ZFP37: variants seen among roughly 807,000 people sequenced by gnomAD.
ZFP37 encodes ZFP37 zinc finger protein.
ZFP37 carries 38 observed loss-of-function variants against 52.1 expected under a neutral mutation model. That is an observed-to-expected ratio of 0.73 (90% confidence interval 0.56 to 0.96). The LOEUF (loss-of-function observed/expected upper bound fraction) is 0.96. Among genes scored for constraint, ZFP37 ranks in the 40% least tolerant of loss-of-function variants. ZFP37 has a pLI of 0.00. For synonymous variants in ZFP37, 253 were observed against 259.5 expected (o/e 0.98, Z 0.24); for missense variants, 695 against 741.4 (o/e 0.94, Z 0.73).
intron 1 of ZFP37, 121 bp from the exon 2 acceptor site, chr9:113,049,993 C>T (rs1345035337): frequency 6.9e-7 from 1 of 1,449,052 alleles, no homozygotes; most frequent in Non-Finnish European, 9.3e-7. Context: ...ATAATTTGTT[C>T]TTACCTTGAC....
chr9:113,043,727 T>C lies in ZFP37; in HGVS notation c.891A>G (p.Gln297=). Residue 297 remains glutamine, a synonymous_variant, in exon 4 of 4, where the codon CAA becomes CAG. Coordinates refer to ENST00000374227, the MANE Select transcript of ZFP37 (RefSeq NM_003408.3). ...GTTTATGGCTGAGAACCTTTCCACA[T>C]TGATTACATTCATAGGGTTTCACAC... ...QACVKPYECN[Q]CGKVLSHKQG... is the part of the protein sequence containing the mutation. The C allele has an allele frequency of 6.8e-6, 11 of 1,614,044 alleles. No homozygotes were observed. The highest frequency in any genetic ancestry group is 9.3e-6 in the Non-Finnish European group (11 of 1,179,950).
intron 3 of ZFP37, among the ~76,000 whole-genome samples, 174 bp from the exon 4 acceptor site, chr9:113,044,442 A>G (rs1828917248): frequency 1.3e-5 from 2 of 152,184 alleles, no homozygotes; most frequent in African/African-American, 4.8e-5. Flanking sequence ...TTGTAGTAAA[A>G]AGAGGTGGGA....
chr9:113,046,062 T>C (rs1345153442), intron 3 of ZFP37, among the ~76,000 whole-genome samples: 3 of 151,868 alleles, frequency 2.0e-5, no homozygotes, highest in African/African-American at 4.8e-5. Flanking sequence ...GGAAATATTA[T>C]TACTTTTATA....
intron 3 of ZFP37, among the ~76,000 whole-genome samples, chr9:113,044,858 C>T (rs529645527): frequency 1.3e-5 from 2 of 152,056 alleles, no homozygotes; most frequent in East Asian, 1.9e-4. Flanking sequence ...ACAGAAAGCT[C>T]GTCAAGTCAA....
chr9:113,042,592 T>A lies in ZFP37; in HGVS notation c.*133A>T. The stretch of plus-strand genomic sequence containing the variant: ...TCCATCCACTGATTCTATATGAAGA[T>A]CCATTTTCAAAGTTTCTCATGTACA... On this transcript the variant is annotated 3_prime_UTR_variant, in exon 4 of 4. Transcript: ENST00000374227. The A allele has an allele frequency of 1.5e-6, 1 of 666,692 alleles. No individual in the cohort carries two copies. The highest frequency in any genetic ancestry group is 2.9e-5 in the East Asian group (1 of 34,034). 41.3% of individuals were successfully genotyped at this position (666,692 alleles called of 1,614,324 possible).
intron 3 of ZFP37, among the ~76,000 whole-genome samples, chr9:113,047,632 T>G (rs1828981880): frequency 6.6e-6 from 1 of 152,024 alleles, no homozygotes; most frequent in Admixed American, 6.6e-5. Flanking sequence ...TTTAGCAAAT[T>G]TACCTAAGAA....
In ZFP37 at chr9:113,042,867, G is replaced by C. The variant is rs1828871526; in HGVS notation, c.1751C>G (p.Ala584Gly). ...ECNECEKAFNAKSQLVIHQRS... is the reference protein window; with the variant it reads ...ECNECEKAFNGKSQLVIHQRS... ...CTGATGTATAACAAGCTGTGATTTTGCATTAAAGGCTTTTTCACATTCGTT... is the reference window on the plus strand; with the variant it reads ...CTGATGTATAACAAGCTGTGATTTTCCATTAAAGGCTTTTTCACATTCGTT... Residue 584 changes from alanine (A) to glycine (G), a missense_variant, in exon 4 of 4, where the codon GCA becomes GGA. Around this residue, in one of 2 missense-constraint regions of ZFP37, gnomAD observed 326 missense variants for 400.5 expected, o/e 0.81. Transcript: ENST00000374227. 1 of 1,613,664 alleles carries C rather than the reference G, an allele frequency of 6.2e-7. No individual in the cohort carries two copies. The highest frequency in any genetic ancestry group is 8.5e-7 in the Non-Finnish European group (1 of 1,179,830).
chr9:113,050,622 A>G (rs1230133996), intron 1 of ZFP37, among the ~76,000 whole-genome samples: 1 of 151,760 alleles, frequency 6.6e-6, no homozygotes, highest in Non-Finnish European at 1.5e-5. Flanking sequence ...GAAATCATTT[A>G]TGGGCCAGGT....
intron 1 of ZFP37, among the ~76,000 whole-genome samples, chr9:113,056,243 C>T (rs553364582): frequency 4.3e-4 from 66 of 152,208 alleles, no homozygotes; most frequent in African/African-American, 1.4e-3. Flanking sequence ...TCCCAAACCG[C>T]CAACCCCCAC....
Position 113,043,277 on chromosome 9 carries a change from G to T in ZFP37, c.1341C>A (p.Ser447=), listed in dbSNP as rs775259111. 3.1e-6 allele frequency: 5 copies of T among 1,613,804 alleles called. No homozygotes were observed. The highest frequency in any genetic ancestry group is 1.7e-6 in the Non-Finnish European group (2 of 1,179,930). ...TATGAATTCTCATGTGTTTAGTAAG[G>T]GATGAGCTATACTTAAAGGCTTTTC... ...ECGKAFKYSS[S]LTKHMRIHTG... The change falls in exon 4 of 4, where the codon TCC becomes TCA. Residue 447 remains serine, a synonymous_variant. Coordinates refer to ENST00000374227, the MANE Select transcript of ZFP37 (RefSeq NM_003408.3).
Position 113,039,453 on chromosome 9 carries a change from G to T in ZFP37, c.*3272C>A, listed in dbSNP as rs1291598690. ...CTCTTCCGTCATATATATATACATG[G>T]TTTGCTCTTTTACCCTCTCTGGGTC... On this transcript the variant is annotated 3_prime_UTR_variant, in exon 4 of 4. Transcript: ENST00000374227. 4.0e-5 allele frequency: 6 copies of T among 151,676 alleles called. No homozygotes were observed. The highest frequency in any genetic ancestry group is 1.5e-4 in the African/African-American group (6 of 41,252). The allele number at this position is 151,676 out of a possible 1,614,324, so 9.4% of individuals were successfully genotyped here.
intron 1 of ZFP37, among the ~76,000 whole-genome samples, chr9:113,050,992 G>A (rs1285239353): frequency 2.0e-5 from 3 of 152,120 alleles, no homozygotes; most frequent in Non-Finnish European, 2.9e-5. Flanking sequence ...AGAAATAAAG[G>A]AGAAAGTTGG....
intron 3 of ZFP37, among the ~76,000 whole-genome samples, chr9:113,047,248 C>T (rs1205666033): frequency 2.0e-5 from 3 of 152,036 alleles, no homozygotes; most frequent in East Asian, 3.8e-4. Flanking sequence ...AAAACTGGAG[C>T]CATTAATGGA....
intron 1 of ZFP37, among the ~76,000 whole-genome samples, chr9:113,051,156 C>A (rs938743255): frequency 6.6e-6 from 1 of 152,086 alleles, no homozygotes; most frequent in African/African-American, 2.4e-5. Flanking sequence ...AAAAATACAA[C>A]CAGTAAAATG....
In ZFP37 at chr9:113,043,436, T is replaced by C. The variant is rs1206556723; in HGVS notation, c.1182A>G (p.Gln394=). 1 of 1,613,974 alleles carries C rather than the reference T, an allele frequency of 6.2e-7. No individual in the cohort carries two copies. Among genetic ancestry groups the C allele is most frequent in the East Asian group, 2.2e-5 (1 of 44,892 alleles). ...KTFRHSSNLI[Q]HVRSHTGEKP... is the part of the protein sequence containing the mutation. ...TCTCACCTGTGTGAGATCTCACATG[T>C]TGAATAAGGTTTGAGCTGTGTCTGA... The change falls in exon 4 of 4, where the codon CAA becomes CAG. Residue 394 remains glutamine, a synonymous_variant. Transcript: ENST00000374227.
intron 3 of ZFP37, among the ~76,000 whole-genome samples, chr9:113,048,764 A>C (rs57247779): frequency 0.02 from 3,103 of 152,200 alleles, 112 homozygotes; most frequent in African/African-American, 0.069. Context: ...TTCCCAGTGG[A>C]AGGATTATAC....
At position 113,041,297 on chromosome 9, in the gene ZFP37, C is replaced by T. The variant is rs530925442; in HGVS notation, c.*1428G>A. The T allele has an allele frequency of 6.6e-6, 1 of 152,220 alleles. No individual in the cohort carries two copies. The highest frequency in any genetic ancestry group is 1.9e-4 in the East Asian group (1 of 5,176). 9.4% of individuals were successfully genotyped at this position (152,220 alleles called of 1,614,324 possible). On this transcript the variant is annotated 3_prime_UTR_variant, in exon 4 of 4. Coordinates refer to ENST00000374227, the MANE Select transcript of ZFP37 (RefSeq NM_003408.3). ...AGGTGTGCAATGGCAAATAGGTCTC[C>T]TGTGACAGTCCAAGTTGATGCATAG...
intron 1 of ZFP37, among the ~76,000 whole-genome samples, chr9:113,055,794 C>A (rs1829131206): frequency 6.6e-6 from 1 of 152,126 alleles, no homozygotes; most frequent in Admixed American, 6.5e-5. Context: ...AAACTCCTGA[C>A]CCCCTTAGAC....
In ZFP37 at chr9:113,039,333, AT is replaced by A. The variant is rs2118668786; in HGVS notation, c.*3391del. Reference sequence around the variant, plus strand: ...TTTTTTTAAATCTTGATTTAAAAAAATGTTTCCACTTTTTTTCCTCTTCTTT... The same window carrying A: ...TTTTTTTAAATCTTGATTTAAAAAAAGTTTCCACTTTTTTTCCTCTTCTTT... On this transcript the variant is annotated 3_prime_UTR_variant, in exon 4 of 4. Coordinates refer to ENST00000374227, the MANE Select transcript of ZFP37 (RefSeq NM_003408.3). 1 of 152,114 alleles carries A rather than the reference AT, an allele frequency of 6.6e-6. No individual in the cohort carries two copies. The highest frequency in any genetic ancestry group is 1.9e-4 in the East Asian group (1 of 5,182). 9.4% of individuals were successfully genotyped at this position (152,114 alleles called of 1,614,324 possible).
Sources: allele counts gnomAD v4.1 joint callset (sites outside exome capture counted in the v4.1 genomes callset), GRCh38; gene constraint gnomAD v4.1.1; regional missense constraint gnomAD v4.1.1; transcripts MANE v1.5; gene names NCBI Gene and HGNC (gene_info 2026-07-23, HGNC 2026-07-21).